The following DPP10 variants were observed in gnomAD, a reference collection of about 807,000 sequenced individuals.
DPP10 encodes inactive dipeptidyl peptidase 10.
Under a neutral mutation model 120.9 loss-of-function variants are expected in DPP10, and 33 were observed. That is an observed-to-expected ratio of 0.27 (90% CI 0.21 to 0.37). The LOEUF (loss-of-function observed/expected upper bound fraction) is 0.37. Ranked by LOEUF, DPP10 falls within the 10% of genes least tolerant of loss-of-function variation. DPP10 has a pLI of 1.00. For missense variants in DPP10, 816 were observed against 942.8 expected, an observed-to-expected ratio of 0.87 and a Z score of 1.76; for synonymous variants, 337 against 326.1, an observed-to-expected ratio of 1.03 and a Z score of -0.36.
intron 1 of DPP10, among the ~76,000 whole-genome samples, chr2:115,137,290 T>TG (rs2050696302): frequency 6.6e-6 from 1 of 152,212 alleles, no homozygotes; most frequent in South Asian, 2.1e-4. Context: ...ATCCCAGCCC[T>TG]GGCCAGTGAT....
chr2:115,276,677 A>G (rs2059933143), intron 1 of DPP10, among the ~76,000 whole-genome samples: 1 of 152,250 alleles, frequency 6.6e-6, no homozygotes, highest in Non-Finnish European at 1.5e-5. Context: ...TTTGTAAGAT[A>G]TCCAATGAGA....
intron 1 of DPP10, among the ~76,000 whole-genome samples, chr2:115,139,309 T>G (rs1400916476): frequency 6.6e-6 from 1 of 152,132 alleles, no homozygotes; most frequent in Non-Finnish European, 1.5e-5. Context: ...AGAATTGGTC[T>G]TGTAAGATGG....
rs555265215 is a variant in DPP10, at chr2:114,894,652, T to G, written c.61-414587T>G. Among the ~76,000 whole-genome samples, 18 of 152,280 alleles carry G rather than the reference T, an allele frequency of 1.2e-4. No homozygotes were observed. The South Asian group carries it at 3.5e-3, about 30-fold the overall frequency. On this transcript the variant is annotated intron_variant, in intron 1 of 25. Coordinates refer to ENST00000410059, the MANE Select transcript of DPP10 (RefSeq NM_020868.6). Reference sequence around the variant, plus strand: ...TGTAATACTAAGCAGTTAATTTTTTTAAAGAATGATTTCGCGGATTTTTAA... The same window carrying G: ...TGTAATACTAAGCAGTTAATTTTTTGAAAGAATGATTTCGCGGATTTTTAA...
intron 1 of DPP10, among the ~76,000 whole-genome samples, chr2:115,186,072 T>C (rs1460937402): frequency 6.6e-6 from 1 of 152,206 alleles, no homozygotes. Flanking sequence ...TTTTAAAAAG[T>C]CTATTATGTT....
intron 19 of DPP10, among the ~76,000 whole-genome samples, chr2:115,796,685 A>AT (rs1219453565): frequency 2.6e-5 from 4 of 151,918 alleles, no homozygotes; most frequent in Non-Finnish European, 5.9e-5. Context: ...TCTTTTTACA[A>AT]TTTTTTTACT....
chr2:115,820,701 A>G (rs1353502125), intron 21 of DPP10, among the ~76,000 whole-genome samples: 2 of 151,672 alleles, frequency 1.3e-5, no homozygotes, highest in Non-Finnish European at 2.9e-5. Flanking sequence ...TCCATTCCTG[A>G]GTTACTCCAC....
At chr2:115,206,841 C>A (rs762254115) in intron 1 of DPP10, among the ~76,000 whole-genome samples, 1 of 152,216 alleles carries the variant, frequency 6.6e-6, no homozygotes, top group South Asian at 2.1e-4. Flanking sequence ...TTTGTCCAAT[C>A]TAGATACAGG....
chr2:115,658,227 A>G (rs11681542), intron 5 of DPP10, among the ~76,000 whole-genome samples: 105,650 of 151,882 alleles, frequency 0.7, 39,081 homozygotes, highest in East Asian at 0.92. Context: ...GCTGCATAAA[A>G]TGAGCATAAT....
At chr2:115,062,836 T>G (rs1706527633) in intron 1 of DPP10, among the ~76,000 whole-genome samples, 1 of 152,236 alleles carries the variant, frequency 6.6e-6, no homozygotes, top group South Asian at 2.1e-4. Flanking sequence ...CTGTGAATAG[T>G]GCTGCAATGA....
chr2:115,802,225 G>A (rs1046160164), intron 19 of DPP10, among the ~76,000 whole-genome samples: 2 of 152,170 alleles, frequency 1.3e-5, no homozygotes, highest in Non-Finnish European at 2.9e-5. Flanking sequence ...TTGCATAGAG[G>A]TGTTTATAGT....
intron 5 of DPP10, among the ~76,000 whole-genome samples, chr2:115,656,791 T>G (rs1014234114): frequency 1.3e-5 from 2 of 151,696 alleles, no homozygotes; most frequent in African/African-American, 4.8e-5. Context: ...ACTACAATAT[T>G]GGAAGGTTTG....
rs371206408 is a variant in DPP10 at position 115,739,788 on chromosome 2, A to C, written c.747A>C (p.Glu249Asp). The C allele has an allele frequency of 3.4e-5, 55 of 1,613,460 alleles. No individual in the cohort carries two copies. Among genetic ancestry groups the C allele is most frequent in the Non-Finnish European group, 4.6e-5 (54 of 1,179,586 alleles). ...HIAHWWSPDG[E>D]RLAFLMINDS... ...CCCACTGGTGGTCACCAGATGGAGAAAGACTTGCCTTCCTGATGATAAATG... is the reference window on the plus strand; with the variant it reads ...CCCACTGGTGGTCACCAGATGGAGACAGACTTGCCTTCCTGATGATAAATG... The change falls in exon 9 of 26, where the codon GAA (glutamate) becomes GAC (aspartate). Residue 249 changes from glutamate (E) to aspartate (D), a missense_variant. By Grantham distance (45) the Glu-to-Asp change is conservative. Around this residue, in one of 3 missense-constraint regions of DPP10, gnomAD observed 42 missense variants for 86.4 expected, o/e 0.49. Transcript: ENST00000410059.
intron 1 of DPP10, among the ~76,000 whole-genome samples, chr2:114,974,436 G>A (rs1393204196): frequency 2.1e-5 from 1 of 47,982 alleles, no homozygotes; most frequent in African/African-American, 7.8e-5. Flanking sequence ...TTTTTTTTTT[G>A]AAGCAGAGTC....
chr2:114,613,479 A>C (rs1322958579), intron 1 of DPP10, among the ~76,000 whole-genome samples: 1 of 152,134 alleles, frequency 6.6e-6, no homozygotes, highest in African/African-American at 2.4e-5. Context: ...ATGCTGGTGA[A>C]GCTGTGGAGA....
chr2:114,869,317 C>A (rs13392296), intron 1 of DPP10, among the ~76,000 whole-genome samples: 3 of 152,004 alleles, frequency 2.0e-5, no homozygotes, highest in Non-Finnish European at 4.4e-5. Context: ...AGGTTTATTG[C>A]GCACTGTTTG....
intron 11 of DPP10, among the ~76,000 whole-genome samples, chr2:115,761,097 A>T (rs1680061038): frequency 1.3e-4 from 1 of 7,572 alleles, no homozygotes. Context: ...ACTTTGTCTC[A>T]AAAAAAAAAA....
intron 3 of DPP10, among the ~76,000 whole-genome samples, chr2:115,406,947 G>T (rs1294602801): frequency 6.6e-6 from 1 of 152,166 alleles, no homozygotes; most frequent in African/African-American, 2.4e-5. Context: ...CCGGGTTCTT[G>T]TCACACGACC....
intron 1 of DPP10, among the ~76,000 whole-genome samples, chr2:114,579,390 T>C (rs1270254706): frequency 6.6e-6 from 1 of 152,200 alleles, no homozygotes; most frequent in Non-Finnish European, 1.5e-5. Context: ...GGAAATAATG[T>C]ACTGTAATGG....
chr2:115,614,709 G>A (rs1215074848), intron 5 of DPP10, among the ~76,000 whole-genome samples: 1 of 152,138 alleles, frequency 6.6e-6, no homozygotes, highest in East Asian at 1.9e-4. Context: ...CAGGCTAGGG[G>A]GAGGAATTCT....
Sources: allele counts gnomAD v4.1 joint callset (sites outside exome capture counted in the v4.1 genomes callset), GRCh38; gene constraint gnomAD v4.1.1; regional missense constraint gnomAD v4.1.1; transcripts MANE v1.5; gene names NCBI Gene and HGNC (gene_info 2026-07-23, HGNC 2026-07-21).